The following POPDC3 variants were observed in gnomAD, a reference collection of about 807,000 sequenced individuals.
The protein encoded by POPDC3 is popeye domain cAMP effector 3, also known as popeye domain-containing protein 3.
Under a neutral mutation model 28.2 loss-of-function variants are expected in POPDC3, and 20 were observed. That is an observed-to-expected ratio of 0.71 (90% confidence interval 0.50 to 1.03). The LOEUF is 1.03. Ranked by LOEUF, POPDC3 falls within the 50% of genes least tolerant of loss-of-function variation. The probability of loss-of-function intolerance (pLI) is 0.00; values close to 1 mark genes in which losing one functional copy is unlikely to be tolerated. For missense variants in POPDC3, 316 were observed against 345.9 expected, an observed-to-expected ratio of 0.91 and a Z score of 0.69; for synonymous variants, 118 against 124.1, an observed-to-expected ratio of 0.95 and a Z score of 0.33.
intron 1 of POPDC3, among the ~76,000 whole-genome samples, chr6:105,174,656 GT>G (rs1279579620): frequency 6.6e-6 from 1 of 152,160 alleles, no homozygotes; most frequent in East Asian, 1.9e-4. Flanking sequence ...TTGAAAAATG[GT>G]TAAGTCAAAC....
chr6:105,179,075 A>G (rs997445345), intron 1 of POPDC3: 1 of 985,438 alleles, frequency 1.0e-6, no homozygotes, highest in African/African-American at 1.7e-5. Context: ...TCTTCTGGCT[A>G]AATTTTTGGC....
intron 1 of POPDC3, chr6:105,169,220 G>A (rs111715587): frequency 3.9e-5 from 6 of 152,284 alleles, no homozygotes; most frequent in African/African-American, 1.2e-4. Flanking sequence ...TTAGAATATA[G>A]ATCTGTGAAG....
intron 1 of POPDC3, chr6:105,166,501 T>C (rs1384617240): frequency 6.5e-6 from 3 of 463,278 alleles, no homozygotes; most frequent in Non-Finnish European, 8.9e-6. Flanking sequence ...ACCAGAACAT[T>C]CCACAGAATA....
intron 1 of POPDC3, chr6:105,169,184 T>C (rs2114539455): frequency 6.6e-6 from 1 of 152,360 alleles, no homozygotes; most frequent in South Asian, 2.1e-4. Context: ...AGGCTTTTCA[T>C]TAATAATCTA....
chr6:105,158,891 G>A (rs1019191233), intron 3 of POPDC3, 140 bp from the exon 4 acceptor site: 1 of 633,998 alleles, frequency 1.6e-6, no homozygotes, highest in South Asian at 2.9e-5. Context: ...ACAATATATT[G>A]CAAAAATAGA....
At chr6:105,158,858 A>C in intron 3 of POPDC3, 107 bp from the exon 4 acceptor site, 2 of 999,196 alleles carry the variant, frequency 2.0e-6, no homozygotes, top group Admixed American at 4.8e-5. Context: ...CCTTTTTTTT[A>C]GGTTGAAAAA....
intron 2 of POPDC3, 92 bp downstream of exon 2, chr6:105,161,333 G>T: frequency 6.9e-7 from 1 of 1,440,248 alleles, no homozygotes; most frequent in East Asian, 2.3e-5. Context: ...TGCCACCCAG[G>T]ACTATGTGAT....
At chr6:105,178,272 T>C (rs970803442) in intron 1 of POPDC3, among the ~76,000 whole-genome samples, 1 of 152,228 alleles carries the variant, frequency 6.6e-6, no homozygotes, top group Non-Finnish European at 1.5e-5. Flanking sequence ...TTCTTAATTC[T>C]TCCTGGAGAC....
chr6:105,179,413 C>T (rs1269851720), intron 1 of POPDC3, among the ~76,000 whole-genome samples: 1 of 152,124 alleles, frequency 6.6e-6, no homozygotes, highest in Non-Finnish European at 1.5e-5. Flanking sequence ...CCCCTAGGAA[C>T]GGCTTTTCTC....
At chr6:105,177,035 A>G in intron 1 of POPDC3, 1 of 342,678 alleles carries the variant, frequency 2.9e-6, no homozygotes, top group Non-Finnish European at 4.2e-6. Context: ...ATACCAATGT[A>G]AAAAAATTTT....
intron 1 of POPDC3, among the ~76,000 whole-genome samples, chr6:105,171,432 G>A (rs556453791): frequency 1.3e-3 from 199 of 152,190 alleles, no homozygotes; most frequent in Non-Finnish European, 2.1e-4. Flanking sequence ...ACTTTGGGAG[G>A]CCGAGGTGGG....
chr6:105,159,879 A>T, intron 2 of POPDC3, 60 bp from the exon 3 acceptor site: 285 of 944,370 alleles, frequency 3.0e-4, no homozygotes, highest in Middle Eastern at 4.4e-4. Context: ...ATAATTGGGG[A>T]GGGGTGGGGG....
Position 105,170,581 on chromosome 6 carries a change from C to T in POPDC3, c.-251-8421G>A, listed in dbSNP as rs548059401. 2.0e-5 allele frequency among the ~76,000 whole-genome samples: 3 copies of T among 152,224 alleles called. No individual in the cohort carries two copies. The East Asian group carries it at 5.8e-4, about 29-fold the overall frequency. ...AGGACTCTTTTAGTAGAGAGAATGC[C>T]AGATGTAGATATCACGCTTATTGTC... On this transcript the variant is annotated intron_variant, in intron 1 of 3. Transcript: ENST00000254765.
At chr6:105,162,376 T>C (rs1341347159) in intron 1 of POPDC3, among the ~76,000 whole-genome samples, 1 of 152,208 alleles carries the variant, frequency 6.6e-6, no homozygotes, top group African/African-American at 2.4e-5. Context: ...AGCTAAGTGC[T>C]CTATATTAAT....
At chr6:105,172,901 G>A (rs1303304227) in intron 1 of POPDC3, among the ~76,000 whole-genome samples, 1 of 110,886 alleles carries the variant, frequency 9.0e-6, no homozygotes, top group African/African-American at 3.4e-5. Context: ...TGGGGGGAGG[G>A]GGGAGGGATA....
chr6:105,161,846 T>C lies in POPDC3; in HGVS notation c.64A>G (p.Lys22Glu). Residue 22 changes from lysine (K) to glutamate (E), a missense_variant, in exon 2 of 4, where the codon AAG (lysine) becomes GAG (glutamate). Coordinates refer to ENST00000254765, the MANE Select transcript of POPDC3 (RefSeq NM_022361.5). ...IDEHPVCTTW[K>E]QEAEGAIYHL... ...TAAATGGCTCCTTCGGCCTCTTGCT[T>C]CCAGGTTGTGCAGACTGGGTGTTCA... The C allele has an allele frequency of 6.2e-7, 1 of 1,614,114 alleles. No individual in the cohort carries two copies. The highest frequency in any genetic ancestry group is 8.5e-7 in the Non-Finnish European group (1 of 1,180,006).
intron 1 of POPDC3, among the ~76,000 whole-genome samples, chr6:105,171,120 G>A (rs1774568302): frequency 6.6e-6 from 1 of 152,186 alleles, no homozygotes; most frequent in Admixed American, 6.5e-5. Context: ...TGAGAGGTAT[G>A]TGTTTGCATT....
rs1360491234 is a variant in POPDC3, at chr6:105,161,746, C to A, written c.164G>T (p.Ser55Ile). ...SGFFGLLYVF[S>I]LLGLGFLCSA... is the part of the protein sequence containing the mutation. ...ACAGAGAAAACCCAACCCCAGCAAA[C>A]TGAAGACATAAAGGAGCCCGAAGAA... The change falls in exon 2 of 4, where the codon AGT (serine) becomes ATT (isoleucine). Residue 55 changes from serine to isoleucine, a missense_variant. Ser to Ile is a moderately radical substitution (Grantham distance 142). Transcript: ENST00000254765. The A allele has an allele frequency of 1.2e-6, 2 of 1,614,192 alleles. No individual in the cohort carries two copies. Among genetic ancestry groups the A allele is most frequent in the South Asian group, 1.1e-5 (1 of 91,078 alleles).
At chr6:105,167,430 A>G (rs987112674) in intron 1 of POPDC3, among the ~76,000 whole-genome samples, 1 of 152,168 alleles carries the variant, frequency 6.6e-6, no homozygotes, top group African/African-American at 2.4e-5. Flanking sequence ...AAGTGTTCAC[A>G]ATAGATTGTG....
Sources: allele counts gnomAD v4.1 joint callset (sites outside exome capture counted in the v4.1 genomes callset), GRCh38; gene constraint gnomAD v4.1.1; transcripts MANE v1.5; gene names NCBI Gene and HGNC (gene_info 2026-07-23, HGNC 2026-07-21).